Variants in KCNJ6 observed in about 807,000 individuals in gnomAD.
KCNJ6 encodes G protein-activated inward rectifier potassium channel 2.
KCNJ6 carries 9 observed loss-of-function variants against 34.2 expected under a neutral mutation model. That is an observed-to-expected ratio of 0.26 (90% confidence interval 0.16 to 0.46). The LOEUF is 0.46. Ranked by LOEUF, KCNJ6 falls within the 20% of genes least tolerant of loss-of-function variation. The probability of loss-of-function intolerance (pLI) is 1.00; values close to 1 mark genes in which losing one functional copy is unlikely to be tolerated. For synonymous variants in KCNJ6, 196 were observed against 207.1 expected (o/e 0.95, Z 0.46); for missense variants, 236 against 531.3 (o/e 0.44, Z 5.46).
chr21:37,867,036 TG>T (rs1280989869), intron 1 of KCNJ6, among the ~76,000 whole-genome samples: 1 of 152,238 alleles, frequency 6.6e-6, no homozygotes, highest in African/African-American at 2.4e-5. Context: ...TTCTGTTAGG[TG>T]GATGCTCAAA....
intron 1 of KCNJ6, among the ~76,000 whole-genome samples, chr21:37,890,857 C>T (rs1488661180): frequency 6.6e-6 from 1 of 152,142 alleles, no homozygotes; most frequent in Non-Finnish European, 1.5e-5. Context: ...CAAAACAAGC[C>T]CCAGTGAAGC....
At chr21:37,900,420 A>C (rs954754917) in intron 1 of KCNJ6, among the ~76,000 whole-genome samples, 2 of 152,228 alleles carry the variant, frequency 1.3e-5, no homozygotes, top group Non-Finnish European at 2.9e-5. Flanking sequence ...GACATCAACT[A>C]GGGAAACATC....
chr21:37,816,984 T>C (rs1047077707), intron 2 of KCNJ6, among the ~76,000 whole-genome samples: 2 of 152,196 alleles, frequency 1.3e-5, no homozygotes, highest in African/African-American at 4.8e-5. Context: ...TTTGGATCCT[T>C]GATGATTGTT....
chr21:37,800,562 A>G (rs1224883471), intron 2 of KCNJ6, among the ~76,000 whole-genome samples: 1 of 152,198 alleles, frequency 6.6e-6, no homozygotes, highest in Non-Finnish European at 1.5e-5. Flanking sequence ...ACATTAGTAC[A>G]ATTAAATAGC....
intron 3 of KCNJ6, among the ~76,000 whole-genome samples, chr21:37,661,090 CT>C (rs1384635582): frequency 2.6e-5 from 4 of 152,188 alleles, no homozygotes; most frequent in African/African-American, 9.7e-5. Context: ...GAAATTCATA[CT>C]ATCTCTATGT....
intron 3 of KCNJ6, among the ~76,000 whole-genome samples, chr21:37,646,799 T>C (rs1369274335): frequency 6.6e-6 from 1 of 151,902 alleles, no homozygotes; most frequent in African/African-American, 2.4e-5. Flanking sequence ...GCCTCCCCAG[T>C]AGCTGGGACT....
chr21:37,710,118 C>T (rs1055045086), intron 3 of KCNJ6, among the ~76,000 whole-genome samples: 2 of 152,258 alleles, frequency 1.3e-5, no homozygotes, highest in African/African-American at 4.8e-5. Flanking sequence ...CAAGATATCT[C>T]AACCAATCAC....
intron 3 of KCNJ6, among the ~76,000 whole-genome samples, chr21:37,664,511 A>G (rs2054504844): frequency 1.3e-5 from 2 of 152,142 alleles, no homozygotes; most frequent in Admixed American, 6.5e-5. Flanking sequence ...GCATAACAAA[A>G]GATGCAGTAA....
At chr21:37,726,248 T>C (rs372569422) in intron 2 of KCNJ6, among the ~76,000 whole-genome samples, 3 of 152,314 alleles carry the variant, frequency 2.0e-5, no homozygotes, top group East Asian at 1.9e-4. Context: ...CCAGTACTCA[T>C]GGTCATCCTT....
chr21:37,676,608 G>T (rs1905096393), intron 3 of KCNJ6, among the ~76,000 whole-genome samples: 1 of 152,242 alleles, frequency 6.6e-6, no homozygotes, highest in Admixed American at 6.5e-5. Flanking sequence ...GCCAGCTTGG[G>T]GAGGTAGCAA....
chr21:37,735,590 T>TCCA (rs991855404), intron 2 of KCNJ6, among the ~76,000 whole-genome samples: 1 of 152,204 alleles, frequency 6.6e-6, no homozygotes, highest in Non-Finnish European at 1.5e-5. Flanking sequence ...CACATTGGGC[T>TCCA]CCACCCCATA....
chr21:37,820,156 G>A (rs1001702031), intron 2 of KCNJ6, among the ~76,000 whole-genome samples: 12 of 152,010 alleles, frequency 7.9e-5, no homozygotes, highest in South Asian at 4.2e-4. Flanking sequence ...CTAATTACAC[G>A]GTTGTAACTC....
intron 2 of KCNJ6, among the ~76,000 whole-genome samples, chr21:37,774,506 C>G (rs886666304): frequency 7.9e-5 from 12 of 151,682 alleles, no homozygotes; most frequent in Non-Finnish European, 1.8e-4. Context: ...CCCCCTCCCC[C>G]TACCCCACAA....
At chr21:37,818,207 CGTGCGTGTGTGTGTGTGTGTGTGT>C (rs2055356605) in intron 2 of KCNJ6, among the ~76,000 whole-genome samples, 1 of 80,960 alleles carries the variant, frequency 1.2e-5, no homozygotes. Flanking sequence ...TGTGTGTGTG[CGTGCGTGTGTGTGTGTGTGTGTGT>C]GTGTGTGTGT....
intron 2 of KCNJ6, among the ~76,000 whole-genome samples, chr21:37,803,099 A>G (rs997211939): frequency 6.6e-6 from 1 of 152,254 alleles, no homozygotes; most frequent in African/African-American, 2.4e-5. Flanking sequence ...GTCAACGCAC[A>G]GCGAACTGGT....
intron 2 of KCNJ6, among the ~76,000 whole-genome samples, chr21:37,818,207 CGTGCGT>C (rs1048074687): frequency 2.6e-4 from 21 of 81,044 alleles, no homozygotes; most frequent in African/African-American, 9.3e-4. Flanking sequence ...TGTGTGTGTG[CGTGCGT>C]GTGTGTGTGT....
chr21:37,903,803 G>C (rs2249899), intron 1 of KCNJ6, among the ~76,000 whole-genome samples: 80 of 152,180 alleles, frequency 5.3e-4, no homozygotes, highest in African/African-American at 1.9e-3. Flanking sequence ...GAAATGAACT[G>C]CAACAATACT....
At chr21:37,661,617 T>C (rs2673012) in intron 3 of KCNJ6, among the ~76,000 whole-genome samples, 20,983 of 42,512 alleles carry the variant, frequency 0.49, 4,951 homozygotes, top group East Asian at 0.76. Context: ...AGACATAGTT[T>C]TTTTTTTTTT....
At chr21:37,778,530 C>T (rs898443510) in intron 2 of KCNJ6, among the ~76,000 whole-genome samples, 5 of 152,166 alleles carry the variant, frequency 3.3e-5, no homozygotes, top group African/African-American at 9.7e-5. Context: ...TCAGCAGCAG[C>T]AGGACTGCCT....
Sources: allele counts gnomAD v4.1 joint callset (sites outside exome capture counted in the v4.1 genomes callset), GRCh38; gene constraint gnomAD v4.1.1; transcripts MANE v1.5; gene names NCBI Gene and HGNC (gene_info 2026-07-23, HGNC 2026-07-21).